PKD2: variants seen among roughly 807,000 people sequenced by gnomAD.
PKD2 encodes the protein polycystin-2.
Under a neutral mutation model 105.9 loss-of-function variants are expected in PKD2, and 48 were observed. That is an observed-to-expected ratio of 0.45 (90% confidence interval 0.36 to 0.58). PKD2 has a LOEUF of 0.58. Among genes scored for constraint, PKD2 ranks in the 20% least tolerant of loss-of-function variants. The pLI is 0.00. For missense variants in PKD2, 1,078 were observed against 1,255.3 expected, an observed-to-expected ratio of 0.86 and a Z score of 2.13; for synonymous variants, 464 against 481.1, an observed-to-expected ratio of 0.96 and a Z score of 0.46.
At chr4:88,067,436 C>T (rs774780843) in intron 12 of PKD2, among the ~76,000 whole-genome samples, 6 of 152,236 alleles carry the variant, frequency 3.9e-5, no homozygotes, top group Non-Finnish European at 8.8e-5. Context: ...GATCTTCCGA[C>T]CTCAACCTCC....
intron 10 of PKD2, among the ~76,000 whole-genome samples, chr4:88,064,500 C>T (rs1219198335): frequency 6.6e-6 from 1 of 152,134 alleles, no homozygotes; most frequent in Non-Finnish European, 1.5e-5. Context: ...TGTAATTCTT[C>T]CCACTGATTA....
At chr4:88,046,508 C>T in intron 5 of PKD2, 134 bp from the exon 6 acceptor site, 1 of 704,826 alleles carries the variant, frequency 1.4e-6, no homozygotes, top group South Asian at 1.5e-5. Context: ...AAATGTTTTG[C>T]CGCTAGTTTG....
chr4:88,046,022 G>A (rs1727752019), intron 5 of PKD2, among the ~76,000 whole-genome samples: 1 of 152,024 alleles, frequency 6.6e-6, no homozygotes, highest in South Asian at 2.1e-4. Flanking sequence ...AGGCATGGTG[G>A]CTCCTTCCTG....
chr4:88,045,492 G>A (rs1018908549), intron 5 of PKD2, among the ~76,000 whole-genome samples: 7 of 152,150 alleles, frequency 4.6e-5, no homozygotes, highest in African/African-American at 9.7e-5. Context: ...TTCCAGGTGC[G>A]GCTACCTGTC....
chr4:88,047,971 T>G (rs1727837607), intron 6 of PKD2, among the ~76,000 whole-genome samples: 1 of 152,240 alleles, frequency 6.6e-6, no homozygotes, highest in Admixed American at 6.5e-5. Context: ...CCTTATCACT[T>G]AATTAAGCAT....
At chr4:88,037,403 G>C (rs929543164) in intron 3 of PKD2, among the ~76,000 whole-genome samples, 1 of 152,176 alleles carries the variant, frequency 6.6e-6, no homozygotes, top group Non-Finnish European at 1.5e-5. Flanking sequence ...TGAGGGATAT[G>C]GGGCTTGGAA....
chr4:88,056,244 C>T lies in PKD2; in HGVS notation c.1875C>T (p.Asp625=), dbSNP rs746356629. 6.2e-7 allele frequency: 1 copy of T among 1,611,796 alleles called. No individual in the cohort carries two copies. The highest frequency in any genetic ancestry group is 1.7e-5 in the Admixed American group (1 of 60,002). The part of the protein sequence containing the change: ...AYLVFGTQVD[D]FSTFQECIFT... ...TTGTCTTTGGCACTCAGGTCGATGA[C>T]TTCAGTACTTTCCAAGAGTGTATGT... is the stretch of plus-strand genomic sequence containing the variant. Residue 625 remains aspartate, a synonymous_variant, in exon 8 of 15, where the codon GAC becomes GAT. Transcript: ENST00000237596.
In PKD2 at chr4:88,077,600, T is replaced by C. The variant is rs1161994674; in HGVS notation, c.*1906T>C. The C allele has an allele frequency of 6.6e-6, 1 of 152,558 alleles. No homozygotes were observed. Among genetic ancestry groups the C allele is most frequent in the Non-Finnish European group, 1.5e-5 (1 of 68,034 alleles). 9.5% of individuals were successfully genotyped at this position (152,558 alleles called of 1,614,324 possible). Reference sequence around the variant, plus strand: ...CTCCTTTCTACCCATAAATTACATATATTTTTCTTCTTTAGTCATGGAGAA... The same window carrying C: ...CTCCTTTCTACCCATAAATTACATACATTTTTCTTCTTTAGTCATGGAGAA... On this transcript the variant is annotated 3_prime_UTR_variant, in exon 15 of 15. Transcript: ENST00000237596.
chr4:88,049,104 A>AGT, intron 6 of PKD2, among the ~76,000 whole-genome samples: 1 of 152,342 alleles, frequency 6.6e-6, no homozygotes, highest in Non-Finnish European at 1.5e-5. Context: ...AAGACTAGTC[A>AGT]GTGGTATTCA....
At chr4:88,024,819 A>G (rs1357783965) in intron 2 of PKD2, among the ~76,000 whole-genome samples, 1 of 152,220 alleles carries the variant, frequency 6.6e-6, no homozygotes, top group Non-Finnish European at 1.5e-5. Flanking sequence ...AAAGCAGTAG[A>G]CTTCCATAAA....
chr4:88,030,250 TC>T (rs1325476679), intron 2 of PKD2, among the ~76,000 whole-genome samples: 4 of 152,058 alleles, frequency 2.6e-5, no homozygotes, highest in Non-Finnish European at 5.9e-5. Flanking sequence ...GCTCAAGAGA[TC>T]CTCCTGCCTC....
chr4:88,033,426 CAAA>C (rs773009545), intron 2 of PKD2, among the ~76,000 whole-genome samples: 7 of 114,784 alleles, frequency 6.1e-5, no homozygotes, highest in Non-Finnish European at 3.7e-5. Flanking sequence ...GACCTTATCT[CAAA>C]AAAAAAAAAA....
At chr4:88,008,444 C>T (rs1726272490) in intron 1 of PKD2, 116 bp downstream of exon 1, 1 of 1,291,400 alleles carries the variant, frequency 7.7e-7, no homozygotes, top group East Asian at 3.1e-5. Context: ...CTCTGCGTTC[C>T]GCCTCCCTTG....
At chr4:88,046,168 C>T (rs1384812732) in intron 5 of PKD2, among the ~76,000 whole-genome samples, 1 of 151,998 alleles carries the variant, frequency 6.6e-6, no homozygotes, top group Admixed American at 6.6e-5. Flanking sequence ...TGCACACTTA[C>T]ATTCCCAGCT....
chr4:88,065,966 A>G lies in PKD2; in HGVS notation c.2358+87A>G, dbSNP rs146227614. The G allele has an allele frequency of 2.9e-4, 240 of 820,052 alleles. No homozygotes were observed. In the African/African-American group the frequency reaches 3.4e-3, roughly 12 times the overall value. 50.8% of individuals were successfully genotyped at this position (820,052 alleles called of 1,614,324 possible). A position where few individuals can be genotyped will look rare whatever the true frequency, so the allele number is the denominator to read the frequency against. On this transcript the variant is annotated intron_variant, in intron 12 of 14. Coordinates refer to ENST00000237596, the MANE Select transcript of PKD2 (RefSeq NM_000297.4). ...ACACTATAGAAGTAGTGGGTTATTGAGTCTCTTGCCCATTCCCCACCACAC... is the reference window on the plus strand; with the variant it reads ...ACACTATAGAAGTAGTGGGTTATTGGGTCTCTTGCCCATTCCCCACCACAC...
At chr4:88,028,634 G>A (rs1727038893) in intron 2 of PKD2, among the ~76,000 whole-genome samples, 1 of 152,246 alleles carries the variant, frequency 6.6e-6, no homozygotes, top group African/African-American at 2.4e-5. Context: ...ACAGTACACT[G>A]TAGAGTATTG....
chr4:88,065,981 C>G (rs1021359922), intron 12 of PKD2, 102 bp downstream of exon 12: 41 of 770,194 alleles, frequency 5.3e-5, no homozygotes, highest in Non-Finnish European at 6.9e-5. Context: ...CTTGCCCATT[C>G]CCCACCACAC....
chr4:88,060,678 G>T (rs1720539919), intron 9 of PKD2, among the ~76,000 whole-genome samples: 1 of 151,934 alleles, frequency 6.6e-6, no homozygotes, highest in African/African-American at 2.4e-5. Flanking sequence ...AAAGTTGGTG[G>T]GGGGGAACCT....
chr4:88,034,668 CAAA>C (rs61534136), intron 2 of PKD2, among the ~76,000 whole-genome samples: 7 of 71,880 alleles, frequency 9.7e-5, no homozygotes, highest in African/African-American at 1.1e-4. Context: ...AACTCCGTCT[CAAA>C]AAAAAAAAAA....
Sources: gnomAD v4.1 joint callset for allele counts (sites outside exome capture counted in the v4.1 genomes callset) on GRCh38, gnomAD v4.1.1 for gene constraint, MANE v1.5 for transcripts, NCBI Gene and HGNC (gene_info 2026-07-23, HGNC 2026-07-21) for gene names.